ST7: variants seen among roughly 807,000 people sequenced by gnomAD.
ST7 encodes suppression of tumorigenicity 7.
A neutral mutation model predicts 78.7 loss-of-function variants in ST7; 28 were observed. That is an observed-to-expected ratio of 0.36 (90% CI 0.26 to 0.49). The LOEUF is 0.49. Among genes scored for constraint, ST7 ranks in the 20% least tolerant of loss-of-function variants. The probability of loss-of-function intolerance (pLI) is 0.99; values close to 1 mark genes in which losing one functional copy is unlikely to be tolerated. For synonymous variants in ST7, 247 were observed against 249.6 expected (o/e 0.99, Z 0.10); for missense variants, 418 against 696.0 (o/e 0.60, Z 4.49).
intron 1 of ST7, chr7:117,020,715 C>G: frequency 4.6e-6 from 7 of 1,525,918 alleles, no homozygotes; most frequent in Non-Finnish European, 6.2e-6. Flanking sequence ...ATCACTTTGC[C>G]TTAGGTCATT....
intron 1 of ST7, among the ~76,000 whole-genome samples, chr7:116,990,735 T>A (rs1794388532): frequency 6.6e-6 from 1 of 152,224 alleles, no homozygotes; most frequent in South Asian, 2.1e-4. Context: ...TCTATATACC[T>A]GGCACTGACT....
At chr7:116,999,808 C>CTT (rs71148356) in intron 1 of ST7, among the ~76,000 whole-genome samples, 51,378 of 104,448 alleles carry the variant, frequency 0.49, 14,503 homozygotes, top group Non-Finnish European at 0.56. Flanking sequence ...AATTTTCTTT[C>CTT]TTTTTTTTTT....
At chr7:117,131,025 A>G (rs1804304526) in intron 5 of ST7, among the ~76,000 whole-genome samples, 2 of 151,802 alleles carry the variant, frequency 1.3e-5, no homozygotes, top group Non-Finnish European at 2.9e-5. Flanking sequence ...TAGGTTAACT[A>G]GCATCGAATG....
At chr7:117,060,938 G>A (rs1271457013) in intron 1 of ST7, among the ~76,000 whole-genome samples, 2 of 152,108 alleles carry the variant, frequency 1.3e-5, no homozygotes, top group South Asian at 4.2e-4. Context: ...CCTGGGAGGC[G>A]GAGGTTGCAG....
At chr7:117,044,381 G>A (rs1424990270) in intron 1 of ST7, among the ~76,000 whole-genome samples, 1 of 152,084 alleles carries the variant, frequency 6.6e-6, no homozygotes, top group Non-Finnish European at 1.5e-5. Context: ...TAAGGTAGGC[G>A]TTTTTTTCGA....
chr7:117,121,399 G>T lies in ST7; in HGVS notation c.394+1679G>T, dbSNP rs529160626. ...TTTAGGATAAAATAAATTGTGCCAA[G>T]AGGTGTCCAGTACTACTCATAGCTG... On this transcript the variant is annotated intron_variant, in intron 3 of 15. Coordinates refer to ENST00000323984, the MANE Select transcript of ST7 (RefSeq NM_001369598.1). Among the ~76,000 whole-genome samples, 3 of 152,224 alleles carry T rather than the reference G, an allele frequency of 2.0e-5. No homozygotes were observed. The East Asian group carries it at 5.8e-4, about 29-fold the overall frequency.
At chr7:117,099,693 A>C in intron 1 of ST7, 69 bp from the exon 2 acceptor site, 3 of 1,093,060 alleles carry the variant, frequency 2.7e-6, no homozygotes, top group Non-Finnish European at 4.0e-6. Flanking sequence ...GAAAAATGAA[A>C]GAGCTGGTTT....
At chr7:117,183,869 A>T (rs1808995834) in intron 10 of ST7, among the ~76,000 whole-genome samples, 1 of 152,252 alleles carries the variant, frequency 6.6e-6, no homozygotes, top group South Asian at 2.1e-4. Flanking sequence ...TATCAAGAGG[A>T]TAGATAAACA....
chr7:117,172,276 A>C (rs963039274), intron 10 of ST7, among the ~76,000 whole-genome samples: 4 of 152,154 alleles, frequency 2.6e-5, no homozygotes, highest in Non-Finnish European at 4.4e-5. Context: ...ATTTCTTCAT[A>C]AGGAATCTCT....
At chr7:117,125,953 A>G (rs1364438452) in intron 3 of ST7, among the ~76,000 whole-genome samples, 2 of 151,986 alleles carry the variant, frequency 1.3e-5, no homozygotes, top group Non-Finnish European at 2.9e-5. Context: ...TTTACCATAG[A>G]CCTTAGGGAA....
chr7:117,018,221 TC>T (rs1054574791), intron 1 of ST7, among the ~76,000 whole-genome samples: 1 of 152,164 alleles, frequency 6.6e-6, no homozygotes, highest in Non-Finnish European at 1.5e-5. Context: ...GCCACATCCA[TC>T]CACTATTTGA....
At chr7:116,975,653 CTGCCT>C (rs1369502236) in intron 1 of ST7, among the ~76,000 whole-genome samples, 1 of 151,808 alleles carries the variant, frequency 6.6e-6, no homozygotes, top group Non-Finnish European at 1.5e-5. Context: ...AGTGATCTGC[CTGCCT>C]TGGCCTCCTA....
At chr7:117,035,877 A>G (rs940982800) in intron 1 of ST7, among the ~76,000 whole-genome samples, 5 of 152,120 alleles carry the variant, frequency 3.3e-5, no homozygotes, top group African/African-American at 1.2e-4. Context: ...CTTAAAGAAT[A>G]CGTTAGTTCA....
intron 1 of ST7, chr7:117,020,500 A>C: frequency 1.7e-5 from 22 of 1,332,674 alleles, no homozygotes; most frequent in South Asian, 2.8e-5. Context: ...CCTGCTGTGT[A>C]GCCGGCTCAT....
chr7:117,090,986 C>T (rs564790622), intron 1 of ST7: 1 of 156,594 alleles, frequency 6.4e-6, no homozygotes, highest in Admixed American at 6.5e-5. Flanking sequence ...GTTTCCCAGA[C>T]CACAACTGAG....
intron 1 of ST7, among the ~76,000 whole-genome samples, chr7:117,046,809 C>T (rs545225712): frequency 8.3e-4 from 126 of 152,256 alleles, no homozygotes; most frequent in Middle Eastern, 3.4e-3. Flanking sequence ...GTAGATGAGG[C>T]GCTCATTCAT....
At chr7:117,220,457 G>A (rs775985678) in intron 14 of ST7, among the ~76,000 whole-genome samples, 6 of 152,216 alleles carry the variant, frequency 3.9e-5, no homozygotes, top group Middle Eastern at 6.8e-3. Context: ...GTTAAGTTTC[G>A]GTTTTCTGGT....
intron 2 of ST7, among the ~76,000 whole-genome samples, chr7:117,115,353 CTTTTTTTTTT>C (rs1272973593): frequency 7.4e-6 from 1 of 135,328 alleles, no homozygotes; most frequent in Non-Finnish European, 1.6e-5. Flanking sequence ...TGGTAGGTTA[CTTTTTTTTTT>C]TTTTTTTTTG....
intron 1 of ST7, among the ~76,000 whole-genome samples, chr7:116,963,391 C>T (rs935912005): frequency 1.3e-5 from 2 of 152,148 alleles, no homozygotes; most frequent in African/African-American, 4.8e-5. Flanking sequence ...TTAAAACTAG[C>T]AGGCATTCCT....
Sources: gnomAD v4.1 joint callset for allele counts (sites outside exome capture counted in the v4.1 genomes callset) on GRCh38, gnomAD v4.1.1 for gene constraint, MANE v1.5 for transcripts, NCBI Gene and HGNC (gene_info 2026-07-23, HGNC 2026-07-21) for gene names.